LRRK2: variants seen among roughly 807,000 people sequenced by gnomAD.
LRRK2 encodes the protein leucine rich repeat kinase 2.
Under a neutral mutation model 302.6 loss-of-function variants are expected in LRRK2, and 203 were observed. The observed-to-expected ratio is 0.67, with a 90% CI of 0.60 to 0.75. LRRK2 has a LOEUF of 0.75. Among genes scored for constraint, LRRK2 ranks in the 30% least tolerant of loss-of-function variants. LRRK2 has a pLI of 0.00. For synonymous variants in LRRK2, 1,066 were observed against 1,031.9 expected (o/e 1.03, Z -0.63); for missense variants, 2,830 against 2,951.0 (o/e 0.96, Z 0.95).
At chr12:40,320,901 T>G in intron 34 of LRRK2, 133 bp from the exon 35 acceptor site, 1 of 1,136,526 alleles carries the variant, frequency 8.8e-7, no homozygotes. Flanking sequence ...AAATATGTAG[T>G]GAAACAATGT....
At chr12:40,235,794 T>TTG in intron 4 of LRRK2, 80 bp downstream of exon 4, 1 of 220,342 alleles carries the variant, frequency 4.5e-6, no homozygotes, top group Non-Finnish European at 7.4e-6. Context: ...TGTGTGTGTG[T>TTG]TTTTTTTTTT....
At chr12:40,225,353 T>C in intron 1 of LRRK2, 71 bp downstream of exon 1, 1 of 1,564,118 alleles carries the variant, frequency 6.4e-7, no homozygotes, top group Non-Finnish European at 8.7e-7. Flanking sequence ...TTGCAAATTT[T>C]GTCCTCCTCC....
chr12:40,326,365 C>T (rs938284885), intron 38 of LRRK2, among the ~76,000 whole-genome samples: 1 of 150,790 alleles, frequency 6.6e-6, no homozygotes, highest in East Asian at 2.0e-4. Context: ...ACTCGGGAGG[C>T]TGAGTCAGGA....
chr12:40,334,993 C>T lies in LRRK2; in HGVS notation c.5784C>T (p.His1928=), dbSNP rs199697361. ...AGCTTGTGGTGCTTTGCCACCTCCA[C>T]CACCCCAGTTTGATATCTTTGCTGG... is the stretch of plus-strand genomic sequence containing the variant. ...RQELVVLCHL[H]HPSLISLLAA... The change falls in exon 40 of 51, where the codon CAC becomes CAT. Residue 1928 remains histidine (H), a synonymous_variant. Coordinates refer to ENST00000298910, the MANE Select transcript of LRRK2 (RefSeq NM_198578.4). 21 of 1,614,104 alleles carry T rather than the reference C, an allele frequency of 1.3e-5. No homozygotes were observed. In the South Asian group the frequency reaches 2.1e-4, roughly 16 times the overall value.
Position 40,359,306 on chromosome 12 carries a change from G to C in LRRK2, c.6890G>C (p.Ser2297Thr). The part of the protein sequence containing the change: ...PLKILNIGNV[S>T]TPLMCLSEST... ...AAGATACTAAATATAGGAAATGTCA[G>C]TACTCCATTGATGTGTTTGAGTGAA... Residue 2297 changes from serine (S) to threonine (T), a missense_variant, in exon 47 of 51, where the codon AGT becomes ACT. Ser to Thr is a moderately conservative substitution (Grantham distance 58). Coordinates refer to ENST00000298910, the MANE Select transcript of LRRK2 (RefSeq NM_198578.4). 6.2e-7 allele frequency: 1 copy of C among 1,612,792 alleles called. No individual in the cohort carries two copies. The highest frequency in any genetic ancestry group is 8.5e-7 in the Non-Finnish European group (1 of 1,179,440).
At chr12:40,307,511 G>A (rs1020162297) in intron 28 of LRRK2, among the ~76,000 whole-genome samples, 1 of 151,940 alleles carries the variant, frequency 6.6e-6, no homozygotes, top group Admixed American at 6.6e-5. Context: ...AACATCTGCT[G>A]ATAGTATAAT....
At chr12:40,260,864 C>G (rs925676978) in intron 13 of LRRK2, among the ~76,000 whole-genome samples, 6 of 152,122 alleles carry the variant, frequency 3.9e-5, no homozygotes, top group Non-Finnish European at 7.3e-5. Context: ...AGGGATGATA[C>G]TTTGTTCTGT....
At position 40,298,428 on chromosome 12, in the gene LRRK2, G is replaced by T; in HGVS notation, c.3282G>T (p.Gln1094His). 6.2e-7 allele frequency: 1 copy of T among 1,613,900 alleles called. No homozygotes were observed. The highest frequency in any genetic ancestry group is 1.3e-5 in the African/African-American group (1 of 74,984). Residue 1094 changes from glutamine (Q) to histidine (H), a missense_variant, in exon 24 of 51, where the codon CAG (glutamine) becomes CAT (histidine). Coordinates refer to ENST00000298910, the MANE Select transcript of LRRK2 (RefSeq NM_198578.4). ...TLKQFNLSYNQLSFVPENLTD... is the reference protein window; with the variant it reads ...TLKQFNLSYNHLSFVPENLTD... ...AACAGTTTAACCTGTCATATAACCA[G>T]CTGTCTTTTGTACCTGAGAACCTCA...
In LRRK2 at chr12:40,313,966, T is replaced by C. The variant is rs779382508; in HGVS notation, c.4537-6T>C. 6.8e-6 allele frequency: 11 copies of C among 1,609,608 alleles called. No individual in the cohort carries two copies. The East Asian group carries it at 2.2e-4, about 33-fold the overall frequency. On this transcript the variant is annotated splice_region_variant and splice_polypyrimidine_tract_variant and intron_variant, in intron 31 of 50. Transcript: ENST00000298910. ...TTTTTACGGCTTGTCATTTGTAATT[T>C]CATAGATCCGAGATCAGCTTGTTGT...
chr12:40,231,882 C>T (rs971979538), intron 2 of LRRK2, among the ~76,000 whole-genome samples: 2 of 150,984 alleles, frequency 1.3e-5, no homozygotes, highest in African/African-American at 2.4e-5. Context: ...TGGCTCACTG[C>T]ACCCTCTGCC....
rs757654557 is a variant in LRRK2 at position 40,274,943 on chromosome 12, C to T, written c.1891C>T (p.Leu631=). The T allele has an allele frequency of 1.2e-5, 19 of 1,613,926 alleles. No individual in the cohort carries two copies. The highest frequency in any genetic ancestry group is 1.7e-6 in the Non-Finnish European group (2 of 1,179,920). Residue 631 remains leucine (L), a synonymous_variant, in exon 16 of 51, where the codon CTG becomes TTG. Transcript: ENST00000298910. ...IGTGHLLAKI[L]VSSLYRFKDV... ...AACTGGACATCTGCTGGCAAAAATT[C>T]TGGTTTCCAGCTTATACCGATTTAA...
intron 44 of LRRK2, among the ~76,000 whole-genome samples, chr12:40,352,926 C>A (rs1055075233): frequency 6.6e-6 from 1 of 152,368 alleles, no homozygotes; most frequent in South Asian, 2.1e-4. Flanking sequence ...CTTTTCTACT[C>A]GACAAAACCG....
intron 23 of LRRK2, among the ~76,000 whole-genome samples, chr12:40,297,191 G>C (rs1433658307): frequency 6.6e-6 from 1 of 152,112 alleles, no homozygotes; most frequent in Non-Finnish European, 1.5e-5. Flanking sequence ...TCTGAAACTT[G>C]GTAATCCTTC....
At chr12:40,237,169 G>C (rs1941504916) in intron 4 of LRRK2, among the ~76,000 whole-genome samples, 1 of 152,144 alleles carries the variant, frequency 6.6e-6, no homozygotes, top group African/African-American at 2.4e-5. Context: ...TGAAGACAAT[G>C]TGCGGAAGGA....
chr12:40,244,511 A>G (rs1239332553), intron 7 of LRRK2, among the ~76,000 whole-genome samples: 1 of 152,016 alleles, frequency 6.6e-6, no homozygotes, highest in Non-Finnish European at 1.5e-5. Context: ...AGATATACAT[A>G]TTTTCTCCAT....
chr12:40,274,774 A>C, intron 15 of LRRK2, 47 bp downstream of exon 15: 4 of 1,612,194 alleles, frequency 2.5e-6, no homozygotes, highest in Non-Finnish European at 3.4e-6. Flanking sequence ...TTTGTAGGGC[A>C]TTAGCTGGTG....
chr12:40,274,035 G>A lies in LRRK2; in HGVS notation c.1657-548G>A, dbSNP rs913984829. Among the ~76,000 whole-genome samples the A allele has an allele frequency of 2.0e-5, 3 of 152,224 alleles. No individual in the cohort carries two copies. The South Asian group carries it at 6.2e-4, about 32-fold the overall frequency. ...AATGCATATTAGCTCTGTTACTTGA[G>A]CTTTTATTTCTGCATCTTTAAAGTT... is the stretch of plus-strand genomic sequence containing the variant. On this transcript the variant is annotated intron_variant, in intron 14 of 50. Coordinates refer to ENST00000298910, the MANE Select transcript of LRRK2 (RefSeq NM_198578.4).
Position 40,346,887 on chromosome 12 carries a change from G to C in LRRK2, c.6244G>C (p.Glu2082Gln), listed in dbSNP as rs1322600223. ...RIVEGLKFPN[E>Q]FDELEIQGKL... The stretch of plus-strand genomic sequence containing the variant: ...AGTAGAGGGTTTGAAGTTTCCAAAT[G>C]AGTTTGATGAATTAGAAATACAAGG... The change falls in exon 42 of 51, where the codon GAG becomes CAG. Residue 2082 changes from glutamate to glutamine, a missense_variant. This residue lies in a region of LRRK2 where 253 missense variants were observed against 346.7 expected (regional missense o/e 0.73). Transcript: ENST00000298910. The C allele has an allele frequency of 1.2e-6, 2 of 1,612,474 alleles. No homozygotes were observed. Among genetic ancestry groups the C allele is most frequent in the Admixed American group, 3.3e-5 (2 of 59,744 alleles).
At chr12:40,326,714 C>G (rs1945564442) in intron 38 of LRRK2, among the ~76,000 whole-genome samples, 1 of 152,094 alleles carries the variant, frequency 6.6e-6, no homozygotes, top group Non-Finnish European at 1.5e-5. Flanking sequence ...TCTGTTTACC[C>G]GATTCTATTT....
Sources: allele counts gnomAD v4.1 joint callset (sites outside exome capture counted in the v4.1 genomes callset), GRCh38; gene constraint gnomAD v4.1.1; regional missense constraint gnomAD v4.1.1; transcripts MANE v1.5; gene names NCBI Gene and HGNC (gene_info 2026-07-23, HGNC 2026-07-21).